Variants in PLVAP observed in about 807,000 individuals in gnomAD.
PLVAP encodes plasmalemma vesicle associated protein, also known as plasmalemma vesicle-associated protein.
PLVAP carries 34 observed loss-of-function variants against 43.1 expected under a neutral mutation model. The observed-to-expected ratio is 0.79, with a 90% confidence interval of 0.60 to 1.05. PLVAP has a LOEUF of 1.05. Among genes scored for constraint, PLVAP ranks in the 50% least tolerant of loss-of-function variants. PLVAP has a pLI of 0.00. For synonymous variants in PLVAP, 241 were observed against 237.3 expected (o/e 1.02, Z -0.14); for missense variants, 574 against 593.4 (o/e 0.97, Z 0.34).
At chr19:17,372,657 T>C (rs2074577404) in intron 1 of PLVAP, among the ~76,000 whole-genome samples, 2 of 149,988 alleles carry the variant, frequency 1.3e-5, no homozygotes, top group East Asian at 2.1e-4. Context: ...GGGGTTTCAC[T>C]GTGTTAGCCA....
At chr19:17,355,701 A>G (rs570673807) in intron 5 of PLVAP, among the ~76,000 whole-genome samples, 79 of 151,388 alleles carry the variant, frequency 5.2e-4, no homozygotes, top group Non-Finnish European at 9.4e-4. Context: ...TGTCCAGTTA[A>G]TTTTTTGTAT....
chr19:17,352,235 T>C lies in PLVAP; in HGVS notation c.*127A>G. 7.5e-7 allele frequency: 1 copy of C among 1,325,646 alleles called. No individual in the cohort carries two copies. The highest frequency in any genetic ancestry group is 1.2e-5 in the South Asian group (1 of 80,810). The allele number at this position is 1,325,646 out of a possible 1,614,324, so 82.1% of individuals were successfully genotyped here. ...CTAGGGGTTTGCATGCAGGGAGTTG[T>C]CTGATGGTGGCCCTGGGTGGTTGGG... On this transcript the variant is annotated 3_prime_UTR_variant, in exon 6 of 6. Coordinates refer to ENST00000252590, the MANE Select transcript of PLVAP (RefSeq NM_031310.3).
chr19:17,352,840 C>T (rs921387291), intron 5 of PLVAP, among the ~76,000 whole-genome samples: 54 of 152,184 alleles, frequency 3.5e-4, no homozygotes, highest in African/African-American at 1.3e-3. Flanking sequence ...CTCCATGGCT[C>T]CCCAGTGCCC....
At position 17,372,526 on chromosome 19, in the gene PLVAP, G is replaced by T. The variant is rs201910794; in HGVS notation, c.369+4394C>A. On this transcript the variant is annotated intron_variant, in intron 1 of 5. Transcript: ENST00000252590. ...GGCTGGAGTGCAGTGGCGCAATCTCGGCTCACTGCAAGCTCCGCCTCCCGG... is the reference window on the plus strand; with the variant it reads ...GGCTGGAGTGCAGTGGCGCAATCTCTGCTCACTGCAAGCTCCGCCTCCCGG... Among the ~76,000 whole-genome samples the T allele has an allele frequency of 4.0e-5, 6 of 149,424 alleles. No individual in the cohort carries two copies. The East Asian group carries it at 1.2e-3, about 31-fold the overall frequency.
Position 17,365,344 on chromosome 19 carries a change from T to G in PLVAP, c.1121A>C (p.Gln374Pro), listed in dbSNP as rs142500391. Residue 374 changes from glutamine to proline, a missense_variant, in exon 3 of 6, where the codon CAG becomes CCG. Transcript: ENST00000252590. Reference protein sequence around the residue: ...ELEEKKREAEQLRMELAIRNS... With the variant: ...ELEEKKREAEPLRMELAIRNS... Reference sequence around the variant, plus strand: ...TCTGATGGCCAGCTCCATCCTGAGCTGCTCCGCCTCCCTCTTCTTCTCTTC... The same window carrying G: ...TCTGATGGCCAGCTCCATCCTGAGCGGCTCCGCCTCCCTCTTCTTCTCTTC... 2.9e-3 allele frequency: 4,723 copies of G among 1,613,444 alleles called. 13 individuals are homozygous for G. The highest frequency in any genetic ancestry group is 3.6e-3 in the Non-Finnish European group (4,196 of 1,180,030).
rs114328379 is a variant in PLVAP at position 17,365,240 on chromosome 19, T to C, written c.1179+46A>G. ...AAATCGCCACCACCCTCTTGGCATC[T>C]GGACCTAACTCCACTGCAGCCTCCC... On this transcript the variant is annotated intron_variant, in intron 3 of 5. Transcript: ENST00000252590. 1.3e-3 allele frequency: 2,018 copies of C among 1,538,028 alleles called. 28 individuals carry two copies. In the African/African-American group the frequency reaches 0.025, roughly 19 times the overall value.
intron 1 of PLVAP, among the ~76,000 whole-genome samples, chr19:17,373,729 G>A (rs1025627119): frequency 6.6e-6 from 1 of 152,074 alleles, no homozygotes; most frequent in Admixed American, 6.6e-5. Context: ...CACAAGCCGG[G>A]GTGCGAGAGT....
intron 3 of PLVAP, among the ~76,000 whole-genome samples, chr19:17,363,825 C>G (rs1363279343): frequency 6.7e-6 from 1 of 149,464 alleles, no homozygotes; most frequent in Non-Finnish European, 1.5e-5. Flanking sequence ...TCACTGCAAG[C>G]TCTGCCTCCC....
chr19:17,372,259 A>G (rs1174759814), intron 1 of PLVAP, among the ~76,000 whole-genome samples: 1 of 150,730 alleles, frequency 6.6e-6, no homozygotes, highest in Non-Finnish European at 1.5e-5. Context: ...AATACAAAAA[A>G]TTAGCTGGGT....
chr19:17,360,873 C>A, intron 3 of PLVAP, 41 bp from the exon 4 acceptor site: 1 of 1,532,368 alleles, frequency 6.5e-7, no homozygotes, highest in South Asian at 1.1e-5. Flanking sequence ...GGAGCCAGGG[C>A]TTCCCAGACA....
At position 17,365,570 on chromosome 19, in the gene PLVAP, G is replaced by C. The variant is rs1424478467; in HGVS notation, c.895C>G (p.Arg299Gly). Residue 299 changes from arginine (R) to glycine (G), a missense_variant, in exon 3 of 6, where the codon CGC becomes GGC. Coordinates refer to ENST00000252590, the MANE Select transcript of PLVAP (RefSeq NM_031310.3). ...TGGCGTTGGAGGTCTGAGTTCTCGCGGGCCACGCGTTCGATATCCGCCCGG... is the reference window on the plus strand; with the variant it reads ...TGGCGTTGGAGGTCTGAGTTCTCGCCGGCCACGCGTTCGATATCCGCCCGG... Reference protein sequence around the residue: ...SLRADIERVARENSDLQRQKL... With the variant: ...SLRADIERVAGENSDLQRQKL... 1 of 1,612,070 alleles carries C rather than the reference G, an allele frequency of 6.2e-7. No homozygotes were observed. The highest frequency in any genetic ancestry group is 2.2e-5 in the East Asian group (1 of 44,884).
At chr19:17,359,039 A>G (rs1225899601) in intron 5 of PLVAP, among the ~76,000 whole-genome samples, 1 of 151,780 alleles carries the variant, frequency 6.6e-6, no homozygotes, top group Non-Finnish European at 1.5e-5. Flanking sequence ...GGCTCAAGCA[A>G]TCCTCTCACC....
In PLVAP at chr19:17,377,315, C is replaced by T. The variant is rs772933605; in HGVS notation, c.-27G>A. On this transcript the variant is annotated 5_prime_UTR_variant, in exon 1 of 6. Transcript: ENST00000252590. ...TGCTCGATCCCGCCGTCCGGTGCAC[C>T]GTCCCTGCTCACCACCAGGCCTGCT... 9 of 1,570,108 alleles carry T rather than the reference C, an allele frequency of 5.7e-6. No individual in the cohort carries two copies. The highest frequency in any genetic ancestry group is 1.3e-5 in the African/African-American group (1 of 74,318).
At chr19:17,354,976 C>T (rs1042760196) in intron 5 of PLVAP, among the ~76,000 whole-genome samples, 1 of 151,418 alleles carries the variant, frequency 6.6e-6, no homozygotes, top group Non-Finnish European at 1.5e-5. Context: ...AATCCTCGCA[C>T]TTTAGGAGGC....
At chr19:17,357,515 TTAGC>T (rs1230291742) in intron 5 of PLVAP, among the ~76,000 whole-genome samples, 1 of 151,432 alleles carries the variant, frequency 6.6e-6, no homozygotes, top group African/African-American at 2.4e-5. Context: ...AAATAACAAT[TTAGC>T]TAGGCATGGT....
intron 5 of PLVAP, among the ~76,000 whole-genome samples, chr19:17,352,817 C>T (rs1386160032): frequency 6.6e-6 from 1 of 152,170 alleles, no homozygotes; most frequent in Non-Finnish European, 1.5e-5. Flanking sequence ...TTGCCTGCTC[C>T]TGCTCACATG....
At chr19:17,366,025 A>T in intron 2 of PLVAP, 27 bp from the exon 3 acceptor site, 1 of 1,611,710 alleles carries the variant, frequency 6.2e-7, no homozygotes, top group African/African-American at 1.3e-5. Context: ...CAGGAGACCC[A>T]GGAAGATTGG....
chr19:17,355,529 ATT>A (rs71162107), intron 5 of PLVAP, among the ~76,000 whole-genome samples: 7 of 129,920 alleles, frequency 5.4e-5, no homozygotes, highest in Admixed American at 7.8e-5. Context: ...TGCCTGGTTA[ATT>A]TTTTTTTTTT....
intron 1 of PLVAP, among the ~76,000 whole-genome samples, chr19:17,374,592 C>CA (rs1162279522): frequency 6.6e-6 from 1 of 151,988 alleles, no homozygotes; most frequent in Non-Finnish European, 1.5e-5. Flanking sequence ...TGAACAGGAA[C>CA]AAAACACTGT....
Sources: allele counts gnomAD v4.1 joint callset (sites outside exome capture counted in the v4.1 genomes callset), GRCh38; gene constraint gnomAD v4.1.1; transcripts MANE v1.5; gene names NCBI Gene and HGNC (gene_info 2026-07-23, HGNC 2026-07-21).